ATAD1: variants seen among roughly 807,000 people sequenced by gnomAD.
ATAD1 encodes ATPase family AAA domain containing 1, also known as outer mitochondrial transmembrane helix translocase.
In ATAD1, 18 loss-of-function variants were observed where a neutral mutation model predicts 42.7. The ratio of observed to expected loss-of-function variants is 0.42; its 90% confidence interval spans 0.29 to 0.63. The LOEUF (loss-of-function observed/expected upper bound fraction) is 0.63. Among genes scored for constraint, ATAD1 ranks in the 20% least tolerant of loss-of-function variants. The pLI is 0.19. For synonymous variants in ATAD1, 132 were observed against 143.1 expected (o/e 0.92, Z 0.55); for missense variants, 294 against 440.4 (o/e 0.67, Z 2.98).
At chr10:87,773,698 T>C (rs369992417) in intron 6 of ATAD1, among the ~76,000 whole-genome samples, 1 of 152,196 alleles carries the variant, frequency 6.6e-6, no homozygotes, top group East Asian at 1.9e-4. Flanking sequence ...AGTTATGCTG[T>C]ACCAGAATCA....
rs1166355925 is a variant in ATAD1 at position 87,753,588 on chromosome 10, T to C, written c.*1099A>G. ...TACAGATAGATACAATATGGGCATT[T>C]TGATGTGTACATTTGTACCTGACTT... is the stretch of plus-strand genomic sequence containing the variant. On this transcript the variant is annotated 3_prime_UTR_variant, in exon 10 of 10. Coordinates refer to ENST00000680024, the MANE Select transcript of ATAD1 (RefSeq NM_001321967.2). The C allele has an allele frequency of 6.6e-6, 1 of 152,554 alleles. No individual in the cohort carries two copies. The highest frequency in any genetic ancestry group is 1.5e-5 in the Non-Finnish European group (1 of 68,006). 9.5% of individuals were successfully genotyped at this position (152,554 alleles called of 1,614,324 possible). A position where few individuals can be genotyped will look rare whatever the true frequency, so the allele number is the denominator to read the frequency against.
At chr10:87,809,977 CT>C (rs1857108307) in intron 2 of ATAD1, among the ~76,000 whole-genome samples, 1 of 151,818 alleles carries the variant, frequency 6.6e-6, no homozygotes, top group South Asian at 2.1e-4. Context: ...AATATTAGGC[CT>C]TTTTTGTTCC....
At chr10:87,817,794 C>T (rs1857491795) in intron 1 of ATAD1, 1 of 985,470 alleles carries the variant, frequency 1.0e-6, no homozygotes, top group Non-Finnish European at 1.2e-6. Flanking sequence ...GACAATCAGA[C>T]CTGGTTCATT....
intron 9 of ATAD1, 22 bp from the exon 10 acceptor site, chr10:87,754,829 C>G: frequency 1.2e-6 from 2 of 1,604,090 alleles, no homozygotes; most frequent in Non-Finnish European, 1.7e-6. Context: ...ACAAAACCAT[C>G]AAATACTCAA....
At chr10:87,799,497 GAAGT>G (rs1856577050) in intron 2 of ATAD1, among the ~76,000 whole-genome samples, 1 of 152,134 alleles carries the variant, frequency 6.6e-6, no homozygotes, top group Non-Finnish European at 1.5e-5. Context: ...AGTTCCTCCC[GAAGT>G]TAGTTCAGCC....
chr10:87,769,152 T>A (rs1436971872), intron 7 of ATAD1, among the ~76,000 whole-genome samples: 2 of 152,240 alleles, frequency 1.3e-5, no homozygotes, highest in Non-Finnish European at 2.9e-5. Flanking sequence ...CTATAAATTA[T>A]CTTCAGAACC....
upstream of ATAD1, chr10:87,818,283 T>G (rs1857529398): frequency 3.0e-6 from 3 of 984,920 alleles, no homozygotes; most frequent in Non-Finnish European, 3.6e-6. Flanking sequence ...CCACGGAGCA[T>G]GCGCGACCCG....
At chr10:87,819,263 C>CAAAAAAAAAAAAAAAAAA (rs57941047), upstream of ATAD1, 10 of 53,716 alleles carry the variant, frequency 1.9e-4, no homozygotes, top group African/African-American at 7.3e-4. Context: ...ATCGTCTCTA[C>CAAAAAAAAAAAAAAAAAA]AAAAAAAAAA....
intron 2 of ATAD1, among the ~76,000 whole-genome samples, chr10:87,798,491 T>C (rs538211807): frequency 6.6e-6 from 1 of 152,204 alleles, no homozygotes; most frequent in Admixed American, 6.5e-5. Flanking sequence ...TCTGGCTGCT[T>C]TGAATCTGCT....
chr10:87,833,813 C>T lies in ATAD1; in HGVS notation c.-14+7374G>A, dbSNP rs907290226. Among the ~76,000 whole-genome samples, 7 of 149,656 alleles carry T rather than the reference C, an allele frequency of 4.7e-5. 1 individual carries two copies. The South Asian group carries it at 6.3e-4, about 13-fold the overall frequency. ...CATGATCTCAGCTCACTGCCACCTC[C>T]GCCTCCTAGGTTCAAGCAATTCTGC... On this transcript the variant is annotated intron_variant, in intron 1 of 4. Coordinates refer to the ATAD1 transcript ENST00000495903.
At chr10:87,775,849 A>G (rs374100697) in intron 6 of ATAD1, among the ~76,000 whole-genome samples, 81 of 152,332 alleles carry the variant, frequency 5.3e-4, no homozygotes, top group African/African-American at 1.8e-3. Context: ...ACAGGAAGTG[A>G]GAAAGTGTTG....
rs1359031774 is a variant in ATAD1, at chr10:87,751,800, G to C, written c.*2887C>G. The C allele has an allele frequency of 6.6e-6, 1 of 152,122 alleles. No individual in the cohort carries two copies. 9.4% of individuals were successfully genotyped at this position (152,122 alleles called of 1,614,324 possible). A position where few individuals can be genotyped will look rare whatever the true frequency, so the allele number is the denominator to read the frequency against. On this transcript the variant is annotated 3_prime_UTR_variant, in exon 10 of 10. Transcript: ENST00000680024. ...TGCACTATATATATTCAGCATATCA[G>C]AATTCTGTTCAATATTCTGATTTTA...
At chr10:87,767,006 A>G (rs1564743500) in intron 8 of ATAD1, among the ~76,000 whole-genome samples, 1 of 152,178 alleles carries the variant, frequency 6.6e-6, no homozygotes, top group Non-Finnish European at 1.5e-5. Flanking sequence ...TGCAATTTTC[A>G]GCACCACAGG....
intron 1 of ATAD1, among the ~76,000 whole-genome samples, chr10:87,838,453 C>T (rs1857966719): frequency 9.7e-6 from 1 of 102,760 alleles, no homozygotes; most frequent in African/African-American, 4.0e-5. Context: ...CAGAGTGAGA[C>T]TCTATCTCAA....
chr10:87,793,795 A>T (rs1856243397), intron 2 of ATAD1, among the ~76,000 whole-genome samples: 1 of 152,194 alleles, frequency 6.6e-6, no homozygotes, highest in Non-Finnish European at 1.5e-5. Context: ...TGGTTATTAC[A>T]TTTTCCTAAA....
At chr10:87,781,690 C>T (rs1589498674) in intron 5 of ATAD1, among the ~76,000 whole-genome samples, 2 of 151,890 alleles carry the variant, frequency 1.3e-5, no homozygotes, top group South Asian at 4.2e-4. Context: ...GCCCAGGCTG[C>T]AGTGCAGTGG....
chr10:87,834,051 A>G (rs1243844686), intron 1 of ATAD1, among the ~76,000 whole-genome samples: 3 of 152,310 alleles, frequency 2.0e-5, no homozygotes, highest in South Asian at 4.1e-4. Context: ...TGGTATGGTC[A>G]TGTAGCTTTT....
At chr10:87,790,683 T>G (rs1187771786) in intron 3 of ATAD1, among the ~76,000 whole-genome samples, 1 of 152,204 alleles carries the variant, frequency 6.6e-6, no homozygotes, top group Non-Finnish European at 1.5e-5. Context: ...TGCAAGGGTC[T>G]AATAAGCTAA....
At chr10:87,833,727 C>CTTTTTTTTT (rs3033524) in intron 1 of ATAD1, among the ~76,000 whole-genome samples, 5 of 100,768 alleles carry the variant, frequency 5.0e-5, no homozygotes, top group Admixed American at 1.3e-4. Context: ...TCTTTCTTTC[C>CTTTTTTTTT]TTTTTTTTTT....
Sources: allele counts gnomAD v4.1 joint callset (sites outside exome capture counted in the v4.1 genomes callset), GRCh38; gene constraint gnomAD v4.1.1; transcripts MANE v1.5; gene names NCBI Gene and HGNC (gene_info 2026-07-23, HGNC 2026-07-21).